The following GFRA2 variants were observed in gnomAD, a reference collection of about 807,000 sequenced individuals.
GFRA2 encodes GDNF family receptor alpha 2.
Under a neutral mutation model 48.3 loss-of-function variants are expected in GFRA2, and 17 were observed. The observed-to-expected ratio is 0.35, with a 90% CI of 0.24 to 0.53. GFRA2 has a LOEUF of 0.53. Among genes scored for constraint, GFRA2 ranks in the 20% least tolerant of loss-of-function variants. The pLI is 0.93. For synonymous variants in GFRA2, 305 were observed against 257.2 expected (o/e 1.19, Z -1.78); for missense variants, 660 against 637.3 (o/e 1.04, Z -0.38).
chr8:21,793,712 C>A (rs1174448512), upstream of GFRA2, among the ~76,000 whole-genome samples: 1 of 152,036 alleles, frequency 6.6e-6, no homozygotes, highest in Non-Finnish European at 1.5e-5. Flanking sequence ...GGATCCAGCA[C>A]CCCCAACTGG....
chr8:21,715,329 G>A (rs1803277420), intron 4 of GFRA2, among the ~76,000 whole-genome samples: 1 of 152,102 alleles, frequency 6.6e-6, no homozygotes, highest in Non-Finnish European at 1.5e-5. Flanking sequence ...TTGTTTTTGA[G>A]ATGAAGTCTC....
chr8:21,714,937 G>A (rs1458800056), intron 4 of GFRA2, among the ~76,000 whole-genome samples: 8 of 152,176 alleles, frequency 5.3e-5, no homozygotes, highest in African/African-American at 1.4e-4. Flanking sequence ...TTATGGAAAC[G>A]TGGAGAAAAT....
chr8:21,782,668 T>G lies in GFRA2; in HGVS notation c.272A>C (p.Tyr91Ser), dbSNP rs985514754. 3 of 1,587,156 alleles carry G rather than the reference T, an allele frequency of 1.9e-6. No individual in the cohort carries two copies. In the Admixed American group the frequency reaches 5.3e-5, roughly 28 times the overall value. ...CATGCCCCGCTTGCAGCGGCAGTCG[T>G]ACAGCGGGCTCTCCTGCAAGACCTC... ...ALEVLQESPL[Y>S]DCRCKRGMKK... Residue 91 changes from tyrosine to serine, a missense_variant, in exon 2 of 9, where the codon TAC becomes TCC. Tyr to Ser is a moderately radical substitution (Grantham distance 144). Coordinates refer to ENST00000524240, the MANE Select transcript of GFRA2 (RefSeq NM_001495.5).
intron 2 of GFRA2, among the ~76,000 whole-genome samples, chr8:21,796,270 G>A (rs1299953385): frequency 1.3e-5 from 2 of 152,174 alleles, no homozygotes; most frequent in Non-Finnish European, 2.9e-5. Flanking sequence ...TTCTCTTCTG[G>A]GCACACACGC....
intron 2 of GFRA2, among the ~76,000 whole-genome samples, chr8:21,804,818 C>G (rs1458142840): frequency 6.6e-6 from 1 of 152,162 alleles, no homozygotes; most frequent in Non-Finnish European, 1.5e-5. Context: ...CCTCTTTCAC[C>G]CCGGCCTCAT....
intron 1 of GFRA2, chr8:21,783,135 C>T (rs1807096670): frequency 2.9e-6 from 2 of 678,130 alleles, no homozygotes; most frequent in Non-Finnish European, 5.4e-6. Flanking sequence ...TCAGCAGCGG[C>T]CCTGGGCCTA....
At chr8:21,798,154 G>A (rs1484323527) in intron 2 of GFRA2, among the ~76,000 whole-genome samples, 6 of 152,198 alleles carry the variant, frequency 3.9e-5, no homozygotes, top group African/African-American at 1.2e-4. Flanking sequence ...CTTGCCCTGG[G>A]ATGGGCCCAG....
At chr8:21,801,213 T>C (rs1807763770) in intron 2 of GFRA2, among the ~76,000 whole-genome samples, 1 of 152,044 alleles carries the variant, frequency 6.6e-6, no homozygotes, top group Admixed American at 6.5e-5. Context: ...ATCACACCCC[T>C]TGGATCAGAC....
intron 3 of GFRA2, among the ~76,000 whole-genome samples, chr8:21,768,073 G>A (rs1278640972): frequency 9.9e-5 from 15 of 152,194 alleles, no homozygotes. Context: ...AGCGCCGTGA[G>A]AGTCACTGGG....
intron 7 of GFRA2, among the ~76,000 whole-genome samples, chr8:21,698,379 C>T (rs1468678062): frequency 1.3e-5 from 2 of 152,176 alleles, no homozygotes; most frequent in African/African-American, 4.8e-5. Context: ...TAGCTTTCTC[C>T]CAGGGATGCT....
At chr8:21,793,900 G>A (rs1009625583) in intron 2 of GFRA2, among the ~76,000 whole-genome samples, 6 of 140,986 alleles carry the variant, frequency 4.3e-5, no homozygotes, top group Admixed American at 7.6e-5. Context: ...GTCTCGCTCT[G>A]TCACCCAGGT....
intron 1 of GFRA2, among the ~76,000 whole-genome samples, chr8:21,787,260 C>CGGGG (rs1392852698): frequency 7.7e-4 from 47 of 61,270 alleles, no homozygotes; most frequent in African/African-American, 1.7e-3. Flanking sequence ...GTCTTGGAGG[C>CGGGG]GGCGGGGGGG....
chr8:21,696,298 C>T (rs1278885179), intron 7 of GFRA2, among the ~76,000 whole-genome samples: 1 of 151,924 alleles, frequency 6.6e-6, no homozygotes, highest in African/African-American at 2.4e-5. Context: ...TCAAGATCCT[C>T]ACCCCCATCC....
intron 4 of GFRA2, among the ~76,000 whole-genome samples, chr8:21,711,939 C>A (rs185526303): frequency 6.6e-6 from 1 of 152,134 alleles, no homozygotes; most frequent in African/African-American, 2.4e-5. Flanking sequence ...TTGCACTGCC[C>A]GTAATCCATT....
intron 2 of GFRA2, among the ~76,000 whole-genome samples, chr8:21,798,792 T>A (rs1807720982): frequency 6.6e-6 from 1 of 152,206 alleles, no homozygotes. Flanking sequence ...GCTACTCCAG[T>A]GACTCGGTGC....
At chr8:21,722,912 A>G (rs530186019) in intron 4 of GFRA2, among the ~76,000 whole-genome samples, 2 of 152,296 alleles carry the variant, frequency 1.3e-5, no homozygotes, top group South Asian at 4.1e-4. Flanking sequence ...CTTGCAATGA[A>G]TCACCTCCCA....
At position 21,722,570 on chromosome 8, in the gene GFRA2, G is replaced by A. The variant is rs916898444; in HGVS notation, c.795-16529C>T. Reference sequence around the variant, plus strand: ...CACAGAATACAGCATCCAGGGAGGAGAGAACATGGGCCCTTGGTCTCGCCC... The same window carrying A: ...CACAGAATACAGCATCCAGGGAGGAAAGAACATGGGCCCTTGGTCTCGCCC... On this transcript the variant is annotated intron_variant, in intron 4 of 8. Coordinates refer to ENST00000524240, the MANE Select transcript of GFRA2 (RefSeq NM_001495.5). Among the ~76,000 whole-genome samples the A allele has an allele frequency of 2.6e-5, 4 of 152,186 alleles. No homozygotes were observed. In the South Asian group the frequency reaches 8.3e-4, roughly 31 times the overall value.
intron 1 of GFRA2, among the ~76,000 whole-genome samples, chr8:21,811,627 T>C (rs2117126321): frequency 6.6e-6 from 1 of 152,096 alleles, no homozygotes; most frequent in East Asian, 1.9e-4. Context: ...CTCTTCAAAG[T>C]CCAGGGACCC....
intron 2 of GFRA2, among the ~76,000 whole-genome samples, chr8:21,798,943 C>T (rs994491840): frequency 2.0e-5 from 3 of 152,318 alleles, no homozygotes; most frequent in African/African-American, 7.2e-5. Context: ...CAACTCAAAG[C>T]TCTGTTCGAA....
Sources: allele counts gnomAD v4.1 joint callset (sites outside exome capture counted in the v4.1 genomes callset), GRCh38; gene constraint gnomAD v4.1.1; transcripts MANE v1.5; gene names NCBI Gene and HGNC (gene_info 2026-07-23, HGNC 2026-07-21).